Variants in NCAM2 observed in about 807,000 individuals in gnomAD.
NCAM2 encodes the protein N-CAM-2.
Under a neutral mutation model 98.1 loss-of-function variants are expected in NCAM2, and 30 were observed. The observed-to-expected ratio is 0.31, with a 90% CI of 0.23 to 0.41. The LOEUF is 0.41. Ranked by LOEUF, NCAM2 falls within the 10% of genes least tolerant of loss-of-function variation. The probability of loss-of-function intolerance (pLI) is 1.00; values close to 1 mark genes in which losing one functional copy is unlikely to be tolerated. For synonymous variants in NCAM2, 368 were observed against 342.4 expected, an observed-to-expected ratio of 1.07 and a Z score of -0.83; for missense variants, 867 against 1,005.8, an observed-to-expected ratio of 0.86 and a Z score of 1.87.
chr21:21,432,351 T>C, intron 12 of NCAM2, 70 bp downstream of exon 12: 1 of 1,421,424 alleles, frequency 7.0e-7, no homozygotes. Flanking sequence ...TGATTGGCTT[T>C]TTCGGTTTCC....
chr21:21,231,607 G>A (rs2070630198), intron 1 of NCAM2, among the ~76,000 whole-genome samples: 1 of 151,200 alleles, frequency 6.6e-6, no homozygotes, highest in South Asian at 2.1e-4. Context: ...GCAAAATATA[G>A]GAGAGTTTAT....
intron 1 of NCAM2, among the ~76,000 whole-genome samples, chr21:21,017,424 C>CAAAAA (rs11461275): frequency 0.012 from 702 of 58,674 alleles, 107 homozygotes; most frequent in East Asian, 0.041. Context: ...GACTCTGTCT[C>CAAAAA]AAAAAAAAAA....
At chr21:21,263,519 C>A (rs1202969640) in intron 1 of NCAM2, among the ~76,000 whole-genome samples, 3 of 151,878 alleles carry the variant, frequency 2.0e-5, no homozygotes, top group Non-Finnish European at 4.4e-5. Flanking sequence ...ATCTAAAATT[C>A]ATAATGGACC....
chr21:21,001,370 A>G (rs2064017229), intron 1 of NCAM2, among the ~76,000 whole-genome samples: 1 of 152,182 alleles, frequency 6.6e-6, no homozygotes. Flanking sequence ...ATAATGAAGT[A>G]AGGTTAGAAT....
intron 1 of NCAM2, among the ~76,000 whole-genome samples, chr21:21,187,224 AAAACAAAC>A (rs894147919): frequency 5.9e-5 from 9 of 152,138 alleles, no homozygotes; most frequent in African/African-American, 4.8e-5. Context: ...ACTCCGTCTA[AAAACAAAC>A]AAACAAACAA....
chr21:21,369,531 T>G (rs1360767495), intron 8 of NCAM2, among the ~76,000 whole-genome samples: 1 of 151,842 alleles, frequency 6.6e-6, no homozygotes, highest in Non-Finnish European at 1.5e-5. Context: ...TGTCAAACAT[T>G]TTATACAAAA....
At chr21:21,250,240 G>T (rs1430215986) in intron 1 of NCAM2, among the ~76,000 whole-genome samples, 3 of 152,168 alleles carry the variant, frequency 2.0e-5, no homozygotes, top group Non-Finnish European at 4.4e-5. Flanking sequence ...CTGGATGCTA[G>T]AAAAAATTGT....
chr21:21,040,245 G>T (rs2064877229), intron 1 of NCAM2, among the ~76,000 whole-genome samples: 1 of 152,074 alleles, frequency 6.6e-6, no homozygotes. Context: ...TATTATTAAA[G>T]ACTCATGAAG....
intron 1 of NCAM2, among the ~76,000 whole-genome samples, chr21:21,270,518 CT>C (rs1457707213): frequency 2.0e-5 from 3 of 152,128 alleles, no homozygotes; most frequent in Admixed American, 1.3e-4. Flanking sequence ...AATGATTTTA[CT>C]TTTACTAATA....
intron 1 of NCAM2, among the ~76,000 whole-genome samples, chr21:21,012,722 G>A (rs959043647): frequency 1.3e-5 from 2 of 151,800 alleles, no homozygotes; most frequent in Non-Finnish European, 2.9e-5. Context: ...TTTACAACTC[G>A]AATGTCTGTG....
At chr21:21,507,788 CAAAAAAAA>C (rs35904478) in intron 15 of NCAM2, among the ~76,000 whole-genome samples, 1 of 98,104 alleles carries the variant, frequency 1.0e-5, no homozygotes, top group Non-Finnish European at 2.2e-5. Flanking sequence ...GACTCCATCT[CAAAAAAAA>C]AAAAAAAAAA....
At chr21:21,191,117 C>G (rs956252090) in intron 1 of NCAM2, among the ~76,000 whole-genome samples, 2 of 152,090 alleles carry the variant, frequency 1.3e-5, no homozygotes, top group African/African-American at 4.8e-5. Flanking sequence ...CAGGAGGTCC[C>G]TTTAGCAATG....
chr21:21,403,928 A>G (rs1029206772), intron 9 of NCAM2, among the ~76,000 whole-genome samples: 1 of 152,168 alleles, frequency 6.6e-6, no homozygotes, highest in Non-Finnish European at 1.5e-5. Context: ...TATGAGTTCA[A>G]TTTAGAAATT....
intron 1 of NCAM2, among the ~76,000 whole-genome samples, chr21:21,261,034 A>C (rs2071877627): frequency 6.6e-6 from 1 of 152,202 alleles, no homozygotes; most frequent in Admixed American, 6.5e-5. Flanking sequence ...TGTAAAACAA[A>C]AAAAAGAACA....
intron 5 of NCAM2, among the ~76,000 whole-genome samples, chr21:21,317,732 A>T (rs2074261230): frequency 6.6e-6 from 1 of 151,860 alleles, no homozygotes; most frequent in Non-Finnish European, 1.5e-5. Flanking sequence ...ACAGGCTCTC[A>T]TTATGTTTCT....
At chr21:21,486,229 G>A (rs1041691849) in intron 15 of NCAM2, among the ~76,000 whole-genome samples, 2 of 150,390 alleles carry the variant, frequency 1.3e-5, no homozygotes, top group South Asian at 4.2e-4. Flanking sequence ...GCGTGAACCC[G>A]GGAGGCGGAG....
At chr21:21,442,476 G>T (rs1294184984) in intron 12 of NCAM2, among the ~76,000 whole-genome samples, 1 of 152,186 alleles carries the variant, frequency 6.6e-6, no homozygotes, top group Non-Finnish European at 1.5e-5. Context: ...GGTGCATCTT[G>T]TTTGGTGAGT....
intron 15 of NCAM2, among the ~76,000 whole-genome samples, chr21:21,487,437 A>G (rs1032760735): frequency 9.2e-5 from 14 of 152,070 alleles, no homozygotes; most frequent in Admixed American, 9.2e-4. Context: ...CTGTCTCTGA[A>G]GATGTATAAA....
chr21:21,449,567 T>C (rs1459599983), intron 12 of NCAM2, among the ~76,000 whole-genome samples: 1 of 152,006 alleles, frequency 6.6e-6, no homozygotes. Flanking sequence ...CATTTAAATA[T>C]AATAACTATA....
Sources: gnomAD v4.1 joint callset for allele counts (sites outside exome capture counted in the v4.1 genomes callset) on GRCh38, gnomAD v4.1.1 for gene constraint, MANE v1.5 for transcripts, NCBI Gene and HGNC (gene_info 2026-07-23, HGNC 2026-07-21) for gene names.